The following PTH2R variants were observed in gnomAD, a reference collection of about 807,000 sequenced individuals.
PTH2R encodes the protein parathyroid hormone 2 receptor.
Under a neutral mutation model 60.3 loss-of-function variants are expected in PTH2R, and 59 were observed. That is an observed-to-expected ratio of 0.98 (90% CI 0.79 to 1.22). The LOEUF (loss-of-function observed/expected upper bound fraction) is 1.22, where lower values mean the gene tolerates loss of function less well. Ranked by LOEUF, PTH2R falls within the 50% of genes most tolerant of loss-of-function variation. The probability of loss-of-function intolerance (pLI) is 0.00; values close to 1 mark genes in which losing one functional copy is unlikely to be tolerated. For synonymous variants in PTH2R, 256 were observed against 243.8 expected, an observed-to-expected ratio of 1.05 and a Z score of -0.47; for missense variants, 749 against 682.6, an observed-to-expected ratio of 1.10 and a Z score of -1.08.
intron 9 of PTH2R, among the ~76,000 whole-genome samples, chr2:208,477,571 C>T (rs1703034641): frequency 6.7e-6 from 1 of 148,286 alleles, no homozygotes; most frequent in Non-Finnish European, 1.5e-5. Context: ...TAGCATGTAA[C>T]AAAAAAAAAC....
intron 7 of PTH2R, among the ~76,000 whole-genome samples, chr2:208,449,543 A>T (rs551041909): frequency 9.2e-5 from 14 of 152,302 alleles, no homozygotes; most frequent in African/African-American, 3.4e-4. Context: ...AAAAATTCCT[A>T]GAACACAGAA....
In PTH2R at chr2:208,494,302, A is replaced by G. The variant is rs1703483910; in HGVS notation, c.*643A>G. Reference sequence around the variant, plus strand: ...TTGAATGGCCTCTTTGTGACCAGCCAGACCTCAGGTCTTCACTCTTTCTTC... The same window carrying G: ...TTGAATGGCCTCTTTGTGACCAGCCGGACCTCAGGTCTTCACTCTTTCTTC... On this transcript the variant is annotated 3_prime_UTR_variant, in exon 13 of 13. Transcript: ENST00000272847. The G allele has an allele frequency of 6.6e-6, 1 of 152,250 alleles. No individual in the cohort carries two copies. The highest frequency in any genetic ancestry group is 1.5e-5 in the Non-Finnish European group (1 of 68,040). 9.4% of individuals were successfully genotyped at this position (152,250 alleles called of 1,614,324 possible).
chr2:208,473,712 G>A (rs1323175008), intron 9 of PTH2R, among the ~76,000 whole-genome samples: 1 of 152,014 alleles, frequency 6.6e-6, no homozygotes, highest in Non-Finnish European at 1.5e-5. Flanking sequence ...AGGAAATATT[G>A]GCTGAATGAA....
At chr2:208,464,289 T>C (rs775635641) in intron 9 of PTH2R, among the ~76,000 whole-genome samples, 3 of 152,220 alleles carry the variant, frequency 2.0e-5, no homozygotes, top group Admixed American at 6.5e-5. Context: ...TGTTATTAAA[T>C]GCAATAAATA....
At chr2:208,490,730 C>T (rs751929592) in intron 12 of PTH2R, 50 bp downstream of exon 12, 1 of 1,521,898 alleles carries the variant, frequency 6.6e-7, no homozygotes, top group Non-Finnish European at 8.9e-7. Flanking sequence ...TGTAAATGGC[C>T]ATCACAATGT....
At chr2:208,406,414 A>G (rs1701406940), upstream of PTH2R, among the ~76,000 whole-genome samples, 1 of 152,196 alleles carries the variant, frequency 6.6e-6, no homozygotes, top group Admixed American at 6.5e-5. Flanking sequence ...AGAGAGCTTT[A>G]GGACTGTCCA....
intron 1 of PTH2R, among the ~76,000 whole-genome samples, chr2:208,381,886 A>C (rs1043675456): frequency 3.4e-4 from 52 of 152,174 alleles, no homozygotes; most frequent in African/African-American, 1.3e-3. Flanking sequence ...TATAAAGGGA[A>C]TCATATCTGC....
At chr2:208,378,121 G>T (rs1208832215) in intron 1 of PTH2R, among the ~76,000 whole-genome samples, 1 of 152,006 alleles carries the variant, frequency 6.6e-6, no homozygotes. Context: ...CTGCAATCCC[G>T]GCACCTCGGG....
chr2:208,477,120 T>A (rs1703022753), intron 9 of PTH2R, among the ~76,000 whole-genome samples: 1 of 152,164 alleles, frequency 6.6e-6, no homozygotes, highest in Non-Finnish European at 1.5e-5. Flanking sequence ...ATTGGACAAA[T>A]CTTGATTAAA....
chr2:208,488,928 T>A, intron 10 of PTH2R, 84 bp from the exon 11 acceptor site: 1 of 1,438,850 alleles, frequency 6.9e-7, no homozygotes, highest in Non-Finnish European at 9.4e-7. Context: ...TTAGCTCTGC[T>A]AAGTTTTTTT....
chr2:208,388,980 G>A (rs796631405), intron 1 of PTH2R, among the ~76,000 whole-genome samples: 6 of 152,198 alleles, frequency 3.9e-5, no homozygotes, highest in East Asian at 1.9e-4. Flanking sequence ...TAGCACATAC[G>A]TAGAAAACAA....
intron 12 of PTH2R, among the ~76,000 whole-genome samples, chr2:208,491,952 A>G (rs1402163500): frequency 2.0e-5 from 3 of 152,214 alleles, no homozygotes; most frequent in East Asian, 1.9e-4. Flanking sequence ...TGTTTATCCA[A>G]GATGATGGTG....
At chr2:208,390,309 C>A (rs1343000814) in intron 1 of PTH2R, among the ~76,000 whole-genome samples, 9 of 152,146 alleles carry the variant, frequency 5.9e-5, no homozygotes, top group Admixed American at 5.9e-4. Flanking sequence ...GTGGAATGTT[C>A]TCCTGAGAGG....
intron 10 of PTH2R, among the ~76,000 whole-genome samples, chr2:208,483,074 AG>A (rs911416097): frequency 1.3e-5 from 2 of 149,596 alleles, no homozygotes; most frequent in African/African-American, 5.1e-5. Flanking sequence ...CAATAGTTTC[AG>A]GGGGGGTCCC....
At chr2:208,377,196 C>A (rs1426011023) in intron 1 of PTH2R, among the ~76,000 whole-genome samples, 1 of 152,068 alleles carries the variant, frequency 6.6e-6, no homozygotes, top group Non-Finnish European at 1.5e-5. Flanking sequence ...GGGGTAAGGT[C>A]ATAGATCAAC....
chr2:208,397,439 T>C (rs1350843625), intron 1 of PTH2R, among the ~76,000 whole-genome samples: 1 of 152,176 alleles, frequency 6.6e-6, no homozygotes, highest in Admixed American at 6.5e-5. Context: ...CTTTGATGAC[T>C]GGAGGAACAC....
chr2:208,460,599 A>G (rs182943165), intron 9 of PTH2R, among the ~76,000 whole-genome samples: 2 of 152,280 alleles, frequency 1.3e-5, no homozygotes, highest in Admixed American at 6.5e-5. Context: ...AATATTTCCA[A>G]TGCACATTGC....
intron 1 of PTH2R, among the ~76,000 whole-genome samples, chr2:208,378,366 AGAGAGGGAGAGGGAGACTGTGGG>A (rs1700850021): frequency 1.3e-5 from 2 of 152,194 alleles, no homozygotes; most frequent in African/African-American, 2.4e-5. Flanking sequence ...TACCGTGGAA[AGAGAGGGAGAGGGAGACTGTGGG>A]GAGAGGGAGA....
chr2:208,386,975 A>G (rs1316846825), intron 1 of PTH2R, among the ~76,000 whole-genome samples: 1 of 152,220 alleles, frequency 6.6e-6, no homozygotes, highest in Admixed American at 6.5e-5. Context: ...TATATGAAAG[A>G]TCATTAATGA....
Sources: gnomAD v4.1 joint callset for allele counts (sites outside exome capture counted in the v4.1 genomes callset) on GRCh38, gnomAD v4.1.1 for gene constraint, MANE v1.5 for transcripts, NCBI Gene and HGNC (gene_info 2026-07-23, HGNC 2026-07-21) for gene names.